PCSK1: variants seen among roughly 807,000 people sequenced by gnomAD.
PCSK1 encodes the protein neuroendocrine convertase 1.
Under a neutral mutation model 90.6 loss-of-function variants are expected in PCSK1, and 56 were observed. The observed-to-expected ratio is 0.62, with a 90% CI of 0.50 to 0.77. The LOEUF is 0.77. PCSK1 is among the 30% of genes least tolerant of loss of function. PCSK1 has a pLI of 0.00. For synonymous variants in PCSK1, 348 were observed against 342.4 expected (o/e 1.02, Z -0.18); for missense variants, 801 against 932.6 (o/e 0.86, Z 1.84).
intron 1 of PCSK1, chr5:96,432,286 T>A (rs1761531471): frequency 1.5e-6 from 1 of 654,290 alleles, no homozygotes; most frequent in South Asian, 1.9e-5. Flanking sequence ...CCCAGGCTAC[T>A]CCGCGGCCTC....
intron 5 of PCSK1, among the ~76,000 whole-genome samples, chr5:96,416,883 T>G (rs757170259): frequency 2.6e-5 from 4 of 152,218 alleles, no homozygotes; most frequent in Non-Finnish European, 5.9e-5. Context: ...CACTAAAGCA[T>G]CTATTCTGAA....
intron 6 of PCSK1, among the ~76,000 whole-genome samples, chr5:96,413,603 C>T (rs1760842094): frequency 6.7e-6 from 1 of 150,358 alleles, no homozygotes; most frequent in African/African-American, 2.5e-5. Flanking sequence ...AGTTCAAGAC[C>T]AGCCTGGCCA....
At chr5:96,412,177 T>A in intron 7 of PCSK1, 141 bp downstream of exon 7, 1 of 814,880 alleles carries the variant, frequency 1.2e-6, no homozygotes, top group South Asian at 1.5e-5. Flanking sequence ...GATTTGGCCC[T>A]CTAAGTGCAT....
chr5:96,395,107 C>T, intron 12 of PCSK1, 82 bp from the exon 13 acceptor site: 1 of 1,098,938 alleles, frequency 9.1e-7, no homozygotes, highest in Non-Finnish European at 1.4e-6. Flanking sequence ...AAAAGGATTT[C>T]ATTGTTAAAA....
At chr5:96,399,348 C>T (rs1760272842) in intron 10 of PCSK1, among the ~76,000 whole-genome samples, 1 of 152,052 alleles carries the variant, frequency 6.6e-6, no homozygotes, top group Admixed American at 6.6e-5. Context: ...AAGGCATGCC[C>T]CAAGCCTCCC....
At chr5:96,414,629 G>A (rs1198428797) in intron 6 of PCSK1, among the ~76,000 whole-genome samples, 5 of 152,144 alleles carry the variant, frequency 3.3e-5, no homozygotes, top group Admixed American at 3.3e-4. Flanking sequence ...TTGGAATCTT[G>A]TGTTTCAGTT....
At chr5:96,412,796 T>C (rs1046690713) in intron 6 of PCSK1, 1 of 301,640 alleles carries the variant, frequency 3.3e-6, no homozygotes, top group African/African-American at 2.8e-5. Context: ...AAGGCTCTCT[T>C]CCCAGCAAAA....
chr5:96,392,582 A>T lies in PCSK1; in HGVS notation c.*419T>A, dbSNP rs1203565122. 5.2e-6 allele frequency: 1 copy of T among 192,484 alleles called. No homozygotes were observed. Among genetic ancestry groups the T allele is most frequent in the East Asian group, 1.4e-4 (1 of 7,174 alleles). The allele number at this position is 192,484 out of a possible 1,614,324, so 11.9% of individuals were successfully genotyped here. ...AAATTTGAAGAACCACATGGACAAG[A>T]CAGGGAACAAGCTACAGAAACAGTT... On this transcript the variant is annotated 3_prime_UTR_variant, in exon 14 of 14. Coordinates refer to ENST00000311106, the MANE Select transcript of PCSK1 (RefSeq NM_000439.5).
At chr5:96,426,051 A>G in intron 2 of PCSK1, 121 bp from the exon 3 acceptor site, 2 of 701,776 alleles carry the variant, frequency 2.8e-6, no homozygotes, top group African/African-American at 1.8e-5. Context: ...TTTTCATTTG[A>G]CTACAGATTA....
At chr5:96,402,375 C>A (rs542627158) in intron 9 of PCSK1, among the ~76,000 whole-genome samples, 9 of 152,310 alleles carry the variant, frequency 5.9e-5, no homozygotes, top group African/African-American at 2.2e-4. Context: ...CCCTCATGTT[C>A]TTTCCATATT....
At chr5:96,414,345 G>A (rs917058852) in intron 6 of PCSK1, among the ~76,000 whole-genome samples, 3 of 152,094 alleles carry the variant, frequency 2.0e-5, no homozygotes, top group Non-Finnish European at 4.4e-5. Flanking sequence ...ACCATTTGAG[G>A]TGGGTGCCGT....
intron 3 of PCSK1, 134 bp from the exon 4 acceptor site, chr5:96,423,593 G>A (rs1025913499): frequency 2.9e-5 from 23 of 797,312 alleles, no homozygotes; most frequent in Non-Finnish European, 4.5e-5. Context: ...AGCCAATTCA[G>A]TGAAATGAGA....
intron 1 of PCSK1, 142 bp downstream of exon 1, chr5:96,432,721 G>A: frequency 1.5e-6 from 1 of 686,214 alleles, no homozygotes; most frequent in Non-Finnish European, 2.6e-6. Flanking sequence ...GCGCGACAGG[G>A]GCGAGGGCTG....
intron 1 of PCSK1, among the ~76,000 whole-genome samples, chr5:96,431,524 C>G (rs1580772584): frequency 6.6e-6 from 1 of 152,144 alleles, no homozygotes; most frequent in Non-Finnish European, 1.5e-5. Context: ...TACTTGAGAG[C>G]GTTTCTTTCC....
intron 5 of PCSK1, among the ~76,000 whole-genome samples, chr5:96,419,862 A>C (rs969534647): frequency 1.3e-5 from 2 of 152,114 alleles, no homozygotes; most frequent in Non-Finnish European, 2.9e-5. Flanking sequence ...GGAAGGTCTG[A>C]GTGTTCCATC....
chr5:96,421,148 T>C (rs1761115423), intron 5 of PCSK1, among the ~76,000 whole-genome samples: 1 of 152,234 alleles, frequency 6.6e-6, no homozygotes, highest in African/African-American at 2.4e-5. Flanking sequence ...AGGAGAGAAG[T>C]TGAAAGTCTC....
intron 1 of PCSK1, among the ~76,000 whole-genome samples, chr5:96,431,190 G>T (rs529619094): frequency 6.6e-6 from 1 of 152,038 alleles, no homozygotes; most frequent in African/African-American, 2.4e-5. Context: ...CCCTCTTTGG[G>T]TCTCAAAAAT....
intron 6 of PCSK1, among the ~76,000 whole-genome samples, chr5:96,415,213 C>T (rs1430676175): frequency 3.9e-5 from 6 of 152,172 alleles, no homozygotes; most frequent in African/African-American, 1.2e-4. Flanking sequence ...GCTCTGTCTT[C>T]CCATTGGGTT....
At chr5:96,420,738 AG>A (rs1761098277) in intron 5 of PCSK1, among the ~76,000 whole-genome samples, 1 of 124,674 alleles carries the variant, frequency 8.0e-6, no homozygotes, top group African/African-American at 3.1e-5. Context: ...AGAATAAGGA[AG>A]GGAGGGAGGG....
Sources: gnomAD v4.1 joint callset for allele counts (sites outside exome capture counted in the v4.1 genomes callset) on GRCh38, gnomAD v4.1.1 for gene constraint, MANE v1.5 for transcripts, NCBI Gene and HGNC (gene_info 2026-07-23, HGNC 2026-07-21) for gene names.